The following ADGRB3 variants were observed in gnomAD, a reference collection of about 807,000 sequenced individuals.
ADGRB3 encodes brain-specific angiogenesis inhibitor 3.
A neutral mutation model predicts 193.4 loss-of-function variants in ADGRB3; 37 were observed. The observed-to-expected ratio is 0.19, with a 90% CI of 0.15 to 0.25. The LOEUF is 0.25. ADGRB3 is among the 10% of genes least tolerant of loss of function. ADGRB3 has a pLI of 1.00. For synonymous variants in ADGRB3, 690 were observed against 644.2 expected (o/e 1.07, Z -1.08); for missense variants, 1,637 against 1,852.9 (o/e 0.88, Z 2.14).
At chr6:69,323,092 A>G (rs1272649025) in intron 20 of ADGRB3, among the ~76,000 whole-genome samples, 1 of 152,146 alleles carries the variant, frequency 6.6e-6, no homozygotes, top group South Asian at 2.1e-4. Context: ...GACATTGAAC[A>G]TGTCATTATT....
chr6:68,882,807 G>C (rs1341272769), intron 3 of ADGRB3, among the ~76,000 whole-genome samples: 1 of 152,074 alleles, frequency 6.6e-6, no homozygotes, highest in African/African-American at 2.4e-5. Flanking sequence ...TGATATGAAA[G>C]AGTCCCTTAA....
At chr6:68,842,601 A>G (rs1226545015) in intron 3 of ADGRB3, among the ~76,000 whole-genome samples, 1 of 152,030 alleles carries the variant, frequency 6.6e-6, no homozygotes, top group Non-Finnish European at 1.5e-5. Flanking sequence ...AAGAAGAAGT[A>G]ATATTGATCC....
At chr6:69,156,473 G>A (rs865984738) in intron 17 of ADGRB3, among the ~76,000 whole-genome samples, 1 of 152,156 alleles carries the variant, frequency 6.6e-6, no homozygotes, top group African/African-American at 2.4e-5. Context: ...GCTTGATGTG[G>A]CAAAGAATGA....
At chr6:69,141,128 T>TGGG (rs1554153879) in intron 17 of ADGRB3, among the ~76,000 whole-genome samples, 8 of 121,552 alleles carry the variant, frequency 6.6e-5, no homozygotes, top group South Asian at 5.6e-4. Context: ...TCTTTTTTTT[T>TGGG]GGGGGGGGCG....
At chr6:68,952,156 A>AT (rs1293446140) in intron 6 of ADGRB3, among the ~76,000 whole-genome samples, 2 of 152,010 alleles carry the variant, frequency 1.3e-5, no homozygotes, top group Non-Finnish European at 2.9e-5. Context: ...CCTGTTCTCT[A>AT]TTTTTTTCTC....
chr6:69,024,263 C>T (rs923231820), intron 13 of ADGRB3, among the ~76,000 whole-genome samples: 1 of 152,084 alleles, frequency 6.6e-6, no homozygotes, highest in Non-Finnish European at 1.5e-5. Context: ...ATGGAGAGAA[C>T]GTTTCAAATT....
chr6:69,247,630 C>T (rs1021573465), intron 20 of ADGRB3, among the ~76,000 whole-genome samples: 5 of 152,152 alleles, frequency 3.3e-5, no homozygotes, highest in African/African-American at 9.6e-5. Flanking sequence ...TTGTTAGCAC[C>T]AATCACCTTA....
At chr6:68,919,996 G>C (rs988933282) in intron 3 of ADGRB3, among the ~76,000 whole-genome samples, 1 of 152,098 alleles carries the variant, frequency 6.6e-6, no homozygotes, top group Non-Finnish European at 1.5e-5. Flanking sequence ...TGGAATGTGA[G>C]GGGGTTGAGA....
rs1561981561 is a variant in ADGRB3 at position 69,301,611 on chromosome 6, G to T, written c.2815-23261G>T. ...CAAAGCACCACTAGTGATGCTAGGA[G>T]AATAAGAGAAAAGTTATGACATTAC... On this transcript the variant is annotated intron_variant, in intron 20 of 31. Transcript: ENST00000370598. 2.6e-5 allele frequency among the ~76,000 whole-genome samples: 4 copies of T among 152,012 alleles called. 1 individual carries two copies. In the South Asian group the frequency reaches 8.3e-4, roughly 31 times the overall value.
At chr6:69,076,585 A>G (rs1772238967) in intron 17 of ADGRB3, among the ~76,000 whole-genome samples, 1 of 151,878 alleles carries the variant, frequency 6.6e-6, no homozygotes, top group African/African-American at 2.4e-5. Flanking sequence ...TAATTCTTCC[A>G]TGTTATTTTT....
rs141771167 is a variant in ADGRB3, at chr6:68,797,039, A to G, written c.758-133520A>G. ...AGGGCATTCTATGGTTAAAATGTCT[A>G]CATTTCCTTATCACAAGGCATAGCT... On this transcript the variant is annotated intron_variant, in intron 3 of 31. Coordinates refer to ENST00000370598, the MANE Select transcript of ADGRB3 (RefSeq NM_001704.3). 2.2e-4 allele frequency among the ~76,000 whole-genome samples: 34 copies of G among 152,274 alleles called. No homozygotes were observed. In the East Asian group the frequency reaches 6.4e-3, roughly 29 times the overall value.
chr6:69,155,939 A>G (rs1774826534), intron 17 of ADGRB3, among the ~76,000 whole-genome samples: 2 of 152,188 alleles, frequency 1.3e-5, no homozygotes, highest in Non-Finnish European at 2.9e-5. Flanking sequence ...GACTGTGTCT[A>G]TATTTGTTCT....
At chr6:69,194,321 C>G (rs1370632807) in intron 17 of ADGRB3, among the ~76,000 whole-genome samples, 1 of 152,070 alleles carries the variant, frequency 6.6e-6, no homozygotes, top group African/African-American at 2.4e-5. Context: ...ACAGGGACTT[C>G]TACATATTGG....
At chr6:68,960,981 T>C (rs892024905) in intron 8 of ADGRB3, among the ~76,000 whole-genome samples, 1 of 152,198 alleles carries the variant, frequency 6.6e-6, no homozygotes, top group Non-Finnish European at 1.5e-5. Flanking sequence ...CCTCTACCTC[T>C]GTTCCACTGG....
rs145342325 is a variant in ADGRB3, at chr6:69,361,230, G to A, written c.3957G>A (p.Gln1319=). 5.0e-6 allele frequency: 8 copies of A among 1,612,568 alleles called. No individual in the cohort carries two copies. Among genetic ancestry groups the A allele is most frequent in the Non-Finnish European group, 6.8e-6 (8 of 1,179,290 alleles). The change falls in exon 29 of 32, where the codon CAG becomes CAA. Residue 1319 remains glutamine (Q), a synonymous_variant. Transcript: ENST00000370598. ...TGCCCAGAAGTTCTGTAAATAACCA[G>A]CCTTCAATGAAAGAAGAAAGCAAAA... ...IVMPRSSVNN[Q]PSMKEESKMN... is the part of the protein sequence containing the mutation.
chr6:69,039,976 G>A (rs1323535881), intron 13 of ADGRB3, among the ~76,000 whole-genome samples: 4 of 151,944 alleles, frequency 2.6e-5, no homozygotes, highest in South Asian at 2.1e-4. Flanking sequence ...TCCTGACATC[G>A]TGATCCGCCC....
At chr6:68,688,700 C>T (rs141446419) in intron 3 of ADGRB3, among the ~76,000 whole-genome samples, 82 of 152,134 alleles carry the variant, frequency 5.4e-4, no homozygotes, top group African/African-American at 1.8e-3. Context: ...TATTAGGTCC[C>T]CTCCCAGGGC....
intron 20 of ADGRB3, among the ~76,000 whole-genome samples, chr6:69,290,013 G>A (rs1008734380): frequency 1.3e-5 from 2 of 151,942 alleles, no homozygotes; most frequent in Admixed American, 1.3e-4. Context: ...TGTTTTCACT[G>A]GTTACTGATG....
intron 13 of ADGRB3, among the ~76,000 whole-genome samples, chr6:69,020,487 A>G (rs765784455): frequency 1.1e-4 from 16 of 151,932 alleles, no homozygotes; most frequent in Non-Finnish European, 1.9e-4. Context: ...TTTTTTTGCA[A>G]TAAGATTATG....
Sources: gnomAD v4.1 joint callset for allele counts (sites outside exome capture counted in the v4.1 genomes callset) on GRCh38, gnomAD v4.1.1 for gene constraint, MANE v1.5 for transcripts, NCBI Gene and HGNC (gene_info 2026-07-23, HGNC 2026-07-21) for gene names.